The following FTCDNL1 variants were observed in gnomAD, a reference collection of about 807,000 sequenced individuals.
The protein encoded by FTCDNL1 is formiminotransferase N-terminal subdomain-containing protein.
Under a neutral mutation model 5.9 loss-of-function variants are expected in FTCDNL1, and 11 were observed. The ratio of observed to expected loss-of-function variants is 1.87; its 90% confidence interval spans 1.18 to 3.10. The LOEUF (loss-of-function observed/expected upper bound fraction) is 3.10, where lower values mean the gene tolerates loss of function less well. Ranked by LOEUF, FTCDNL1 falls within the 30% of genes most tolerant of loss-of-function variation. The pLI is 0.00. For synonymous variants in FTCDNL1, 58 were observed against 24.8 expected (o/e 2.34, Z -3.99); for missense variants, 115 against 65.5 (o/e 1.76, Z -2.61).
chr2:199,737,611 G>T, the FTCDNL1 span, among the ~76,000 whole-genome samples: 1 of 152,172 alleles, frequency 6.6e-6, no homozygotes, highest in Non-Finnish European at 1.5e-5. Context: ...TTAGAGAGAT[G>T]AAATGTGTAG....
At chr2:199,765,552 A>T (rs868659463) in intron 3 of FTCDNL1, among the ~76,000 whole-genome samples, 6,950 of 57,294 alleles carry the variant, frequency 0.12, 469 homozygotes, top group African/African-American at 0.17. Context: ...ATATATATAT[A>T]TATATTTTTT....
At chr2:199,751,994 G>C in the FTCDNL1 span, among the ~76,000 whole-genome samples, 1 of 152,100 alleles carries the variant, frequency 6.6e-6, no homozygotes, top group African/African-American at 2.4e-5. Flanking sequence ...GGAGCCACGG[G>C]TGGATCACTA....
chr2:199,684,918 C>T, the FTCDNL1 span, among the ~76,000 whole-genome samples: 1 of 152,142 alleles, frequency 6.6e-6, no homozygotes, highest in Admixed American at 6.5e-5. Context: ...CTAAACTGTA[C>T]AGGATGGTTA....
intron 3 of FTCDNL1, among the ~76,000 whole-genome samples, chr2:199,789,757 T>C (rs1699830478): frequency 6.6e-6 from 1 of 152,054 alleles, no homozygotes; most frequent in Non-Finnish European, 1.5e-5. Flanking sequence ...TAAATAAAAT[T>C]GACAAGGTAG....
At chr2:199,791,914 GTATCACCTTTTATAAATTATT>G (rs1699947187) in intron 3 of FTCDNL1, among the ~76,000 whole-genome samples, 2 of 151,866 alleles carry the variant, frequency 1.3e-5, no homozygotes, top group Admixed American at 1.3e-4. Flanking sequence ...TTTGTATATA[GTATCACCTTTTATAAATTATT>G]TACATGAGCT....
At chr2:199,728,251 CTTT>C in the FTCDNL1 span, among the ~76,000 whole-genome samples, 1 of 145,612 alleles carries the variant, frequency 6.9e-6, no homozygotes. Context: ...TCCATGGTAA[CTTT>C]TTTTTTTTTT....
the FTCDNL1 span, among the ~76,000 whole-genome samples, chr2:199,731,626 C>T: frequency 6.6e-6 from 1 of 152,178 alleles, no homozygotes; most frequent in Non-Finnish European, 1.5e-5. Context: ...AATCCCCTCA[C>T]GCCTGTAATC....
chr2:199,725,583 G>A, the FTCDNL1 span, among the ~76,000 whole-genome samples: 3 of 152,152 alleles, frequency 2.0e-5, no homozygotes, highest in South Asian at 2.1e-4. Context: ...AGGCCTGGTG[G>A]TGATGAATTC....
At chr2:199,785,484 C>T (rs1279350710) in intron 3 of FTCDNL1, 2 of 152,040 alleles carry the variant, frequency 1.3e-5, no homozygotes, top group African/African-American at 4.8e-5. Flanking sequence ...GATCCGCCTG[C>T]CTTGGCCTCC....
the FTCDNL1 span, among the ~76,000 whole-genome samples, chr2:199,733,823 C>T: frequency 2.0e-5 from 3 of 151,950 alleles, no homozygotes; most frequent in African/African-American, 7.3e-5. Flanking sequence ...AAAAATTTAA[C>T]ATTTTATGTT....
intron 3 of FTCDNL1, among the ~76,000 whole-genome samples, chr2:199,820,088 T>C (rs1233898773): frequency 6.6e-6 from 1 of 152,224 alleles, no homozygotes; most frequent in Non-Finnish European, 1.5e-5. Context: ...GAAATGTATA[T>C]GTAGGATTAA....
the FTCDNL1 span, among the ~76,000 whole-genome samples, chr2:199,691,001 A>G: frequency 6.6e-6 from 1 of 152,240 alleles, no homozygotes; most frequent in African/African-American, 2.4e-5. Context: ...AAAATGACCC[A>G]CATATACAAA....
chr2:199,704,432 G>A, the FTCDNL1 span, among the ~76,000 whole-genome samples: 1 of 152,078 alleles, frequency 6.6e-6, no homozygotes, highest in Non-Finnish European at 1.5e-5. Context: ...GAAGACTGGG[G>A]GGAAGAGGGA....
intron 3 of FTCDNL1, among the ~76,000 whole-genome samples, chr2:199,779,277 AAG>A (rs945549820): frequency 6.6e-6 from 1 of 152,224 alleles, no homozygotes; most frequent in African/African-American, 2.4e-5. Context: ...CATATTCTAG[AAG>A]AGTTATTCAC....
chr2:199,770,020 C>A (rs1698734561), intron 3 of FTCDNL1, among the ~76,000 whole-genome samples: 1 of 152,156 alleles, frequency 6.6e-6, no homozygotes. Flanking sequence ...TGTGCAACTA[C>A]ACTGACGTCT....
chr2:199,780,819 C>T (rs1272881611), intron 3 of FTCDNL1, among the ~76,000 whole-genome samples: 1 of 152,196 alleles, frequency 6.6e-6, no homozygotes, highest in East Asian at 1.9e-4. Context: ...TAAGTACCAG[C>T]TCCTCTGCCC....
At chr2:199,701,902 G>A in the FTCDNL1 span, among the ~76,000 whole-genome samples, 4 of 152,126 alleles carry the variant, frequency 2.6e-5, no homozygotes, top group Non-Finnish European at 5.9e-5. Context: ...TGGCGTGATG[G>A]TGCACACTGG....
the FTCDNL1 span, among the ~76,000 whole-genome samples, chr2:199,728,439 G>A: frequency 2.6e-5 from 4 of 151,824 alleles, no homozygotes; most frequent in African/African-American, 4.8e-5. Flanking sequence ...TAGTAGAGAC[G>A]GGGTTTCACT....
chr2:199,675,697 T>C, the FTCDNL1 span, among the ~76,000 whole-genome samples: 1 of 152,080 alleles, frequency 6.6e-6, no homozygotes, highest in Non-Finnish European at 1.5e-5. Context: ...AAGATAGATG[T>C]CTGATGTTTA....
Sources: allele counts gnomAD v4.1 joint callset (sites outside exome capture counted in the v4.1 genomes callset), GRCh38; gene constraint gnomAD v4.1.1; transcripts MANE v1.5; gene names NCBI Gene and HGNC (gene_info 2026-07-23, HGNC 2026-07-21).